SCN10A: variants seen among roughly 807,000 people sequenced by gnomAD.
SCN10A encodes sodium voltage-gated channel alpha subunit 10.
Under a neutral mutation model 170.7 loss-of-function variants are expected in SCN10A, and 162 were observed. That is an observed-to-expected ratio of 0.95 (90% confidence interval 0.84 to 1.08). The LOEUF (loss-of-function observed/expected upper bound fraction) is 1.08, where lower values mean the gene tolerates loss of function less well. SCN10A is among the 50% of genes least tolerant of loss of function. The pLI, the probability that SCN10A is intolerant of heterozygous loss-of-function variation, is 0.00. For synonymous variants in SCN10A, 985 were observed against 904.6 expected (o/e 1.09, Z -1.59); for missense variants, 2,527 against 2,436.9 (o/e 1.04, Z -0.78).
At chr3:38,804,479 T>C (rs562042300) in intron 1 of SCN10A, among the ~76,000 whole-genome samples, 2 of 152,298 alleles carry the variant, frequency 1.3e-5, no homozygotes, top group East Asian at 1.9e-4. Flanking sequence ...ATTTTGTCTA[T>C]TTGCTTAGCT....
intron 17 of SCN10A, among the ~76,000 whole-genome samples, chr3:38,726,343 G>C (rs1391935842): frequency 6.6e-6 from 1 of 152,136 alleles, no homozygotes; most frequent in African/African-American, 2.4e-5. Flanking sequence ...AGAGCGCATG[G>C]GACAGCTGTG....
chr3:38,712,169 G>A lies in SCN10A; in HGVS notation c.4081C>T (p.Leu1361=). The change falls in exon 23 of 28, where the codon CTG becomes TTG. Residue 1361 remains leucine, a synonymous_variant. Transcript: ENST00000449082. ...TCTCATGGTTGACTCACCACCTGCA[G>A]AAGTGCAAGGTAACCCATTGCAACA... ...DNVAMGYLAL[L]QVATFKGWMD... 6.2e-7 allele frequency: 1 copy of A among 1,613,742 alleles called. No homozygotes were observed. The highest frequency in any genetic ancestry group is 1.1e-5 in the South Asian group (1 of 91,074).
chr3:38,746,100 T>TATCTATCTAG (rs71085336), intron 13 of SCN10A, among the ~76,000 whole-genome samples: 3 of 99,820 alleles, frequency 3.0e-5, no homozygotes, highest in African/African-American at 1.1e-4. Context: ...TATATATATA[T>TATCTATCTAG]GCCATCTTTG....
At position 38,725,314 on chromosome 3, in the gene SCN10A, G is replaced by A. The variant is rs778772059; in HGVS notation, c.3088C>T (p.Gln1030Ter). ...FQQEVIPKGQQEQLQQVERCG... is the reference protein window; with the variant it reads ...FQQEVIPKGQ ...CTCTCGACTTGCTGCAGCTGCTCCT[G>A]CTAGTGAGAGAGGGTCCCAACTGGG... The change falls in exon 18 of 28, where the codon CAG becomes TAG. Residue 1030 changes from glutamine to a stop codon, truncating the protein, a stop_gained and splice_region_variant. Transcript: ENST00000449082. LOFTEE classifies it high-confidence loss of function. 1 of 1,575,340 alleles carries A rather than the reference G, an allele frequency of 6.3e-7. No homozygotes were observed. The highest frequency in any genetic ancestry group is 8.7e-7 in the Non-Finnish European group (1 of 1,150,422).
At chr3:38,814,181 G>A (rs1440181063) in intron 1 of SCN10A, among the ~76,000 whole-genome samples, 1 of 152,208 alleles carries the variant, frequency 6.6e-6, no homozygotes, top group African/African-American at 2.4e-5. Flanking sequence ...GGAAAGGCAG[G>A]TAAGATTTGG....
chr3:38,797,481 C>A (rs140050575), intron 1 of SCN10A, among the ~76,000 whole-genome samples: 2 of 152,260 alleles, frequency 1.3e-5, no homozygotes, highest in South Asian at 2.1e-4. Flanking sequence ...CAAAGTCAAC[C>A]TACATTACAT....
intron 5 of SCN10A, among the ~76,000 whole-genome samples, chr3:38,766,976 G>A (rs2063939694): frequency 6.6e-6 from 1 of 151,414 alleles, no homozygotes; most frequent in Non-Finnish European, 1.5e-5. Context: ...ATATTTCCAG[G>A]AATTTATTCA....
At chr3:38,724,062 T>C (rs1344054026) in intron 18 of SCN10A, among the ~76,000 whole-genome samples, 1 of 152,086 alleles carries the variant, frequency 6.6e-6, no homozygotes, top group East Asian at 1.9e-4. Flanking sequence ...ACTGAAAACA[T>C]TGAGTAGGGA....
intron 21 of SCN10A, among the ~76,000 whole-genome samples, chr3:38,716,200 T>TTA (rs762152102): frequency 0.012 from 1,872 of 150,408 alleles, 42 homozygotes; most frequent in Admixed American, 0.058. Context: ...TAGTAATCAT[T>TTA]TATATATATA....
intron 22 of SCN10A, 60 bp downstream of exon 22, chr3:38,713,898 G>C: frequency 1.9e-6 from 3 of 1,598,670 alleles, no homozygotes; most frequent in Non-Finnish European, 2.6e-6. Flanking sequence ...AAAGTGCTGG[G>C]ATTACAGGCA....
At position 38,742,344 on chromosome 3, in the gene SCN10A, C is replaced by A; in HGVS notation, c.2053G>T (p.Glu685Ter). ...IVVNTIFMAM[E>*]HHGMSPTFEA... is the part of the protein sequence containing the mutation. ...AAGGTAGGGCTCATGCCATGGTGCT[C>A]CATGGCCATGAAGATGGTGTTCACC... Residue 685 changes from glutamate to a stop codon, truncating the protein, a stop_gained, in exon 14 of 28, where the codon GAG becomes TAG. Coordinates refer to ENST00000449082, the MANE Select transcript of SCN10A (RefSeq NM_006514.4). LOFTEE classifies it high-confidence loss of function. 1 of 1,614,110 alleles carries A rather than the reference C, an allele frequency of 6.2e-7. No homozygotes were observed. Among genetic ancestry groups the A allele is most frequent in the Non-Finnish European group, 8.5e-7 (1 of 1,180,020 alleles).
chr3:38,725,698 T>C (rs1317635830), intron 17 of SCN10A, among the ~76,000 whole-genome samples: 1 of 152,252 alleles, frequency 6.6e-6, no homozygotes, highest in Non-Finnish European at 1.5e-5. Flanking sequence ...GCCATGACCA[T>C]TGTTATTTGT....
At position 38,771,415 on chromosome 3, in the gene SCN10A, G is replaced by T. The variant is rs2063999001; in HGVS notation, c.471-8C>A. On this transcript the variant is annotated splice_polypyrimidine_tract_variant and splice_region_variant and intron_variant, in intron 4 of 27. Coordinates refer to ENST00000449082, the MANE Select transcript of SCN10A (RefSeq NM_006514.4). ...ATGACAGTGAAGACATATCTGGGAAGGAGGGTAGAAAAGGAGTGTCAACTG... is the reference window on the plus strand; with the variant it reads ...ATGACAGTGAAGACATATCTGGGAATGAGGGTAGAAAAGGAGTGTCAACTG... 1 of 1,613,420 alleles carries T rather than the reference G, an allele frequency of 6.2e-7. No homozygotes were observed. Among genetic ancestry groups the T allele is most frequent in the Non-Finnish European group, 8.5e-7 (1 of 1,179,592 alleles).
intron 21 of SCN10A, 108 bp from the exon 22 acceptor site, chr3:38,714,188 C>T: frequency 1.5e-6 from 2 of 1,362,096 alleles, no homozygotes; most frequent in Non-Finnish European, 2.0e-6. Context: ...CACGTCTAAG[C>T]CATCATCCTA....
At chr3:38,722,470 T>C (rs1407802834) in intron 19 of SCN10A, 58 bp from the exon 20 acceptor site, 4 of 1,560,888 alleles carry the variant, frequency 2.6e-6, no homozygotes, top group Middle Eastern at 1.7e-4. Context: ...GGATAATTTC[T>C]GCTCCTGCTG....
intron 6 of SCN10A, 100 bp from the exon 7 acceptor site, chr3:38,761,483 G>T: frequency 1.9e-6 from 2 of 1,031,988 alleles, no homozygotes; most frequent in Non-Finnish European, 2.8e-6. Flanking sequence ...ACATACAGGA[G>T]TGAAGTATGT....
chr3:38,796,411 C>T (rs1189814252), intron 1 of SCN10A, among the ~76,000 whole-genome samples: 1 of 152,058 alleles, frequency 6.6e-6, no homozygotes, highest in Admixed American at 6.6e-5. Flanking sequence ...CATTTTGATT[C>T]CCCTTTAGTC....
Position 38,709,523 on chromosome 3 carries a change from G to C in SCN10A, c.4236C>G (p.Leu1412=), listed in dbSNP as rs2063248558. The change falls in exon 25 of 28, where the codon CTC becomes CTG. Residue 1412 remains leucine (L), a synonymous_variant. Transcript: ENST00000449082. ...IIFGGFFTLN[L]FVGVIIDNFN... ...AGTTGTCAATTATGACCCCAACAAA[G>C]AGATTCAGTGTGAAGAAGCCTCCAA... 6.2e-7 allele frequency: 1 copy of C among 1,612,840 alleles called. No individual in the cohort carries two copies. The highest frequency in any genetic ancestry group is 8.5e-7 in the Non-Finnish European group (1 of 1,179,488).
chr3:38,750,251 T>A, intron 12 of SCN10A, 67 bp from the exon 13 acceptor site: 2 of 852,780 alleles, frequency 2.3e-6, no homozygotes, highest in Admixed American at 4.1e-5. Flanking sequence ...AGTTGGATCA[T>A]TCAGCCTCTT....
Sources: gnomAD v4.1 joint callset for allele counts (sites outside exome capture counted in the v4.1 genomes callset) on GRCh38, gnomAD v4.1.1 for gene constraint, MANE v1.5 for transcripts, NCBI Gene and HGNC (gene_info 2026-07-23, HGNC 2026-07-21) for gene names.